Variants in FAM135B observed in about 807,000 individuals in gnomAD.
FAM135B encodes protein FAM135B.
Under a neutral mutation model 127.7 loss-of-function variants are expected in FAM135B, and 43 were observed. That is an observed-to-expected ratio of 0.34 (90% CI 0.26 to 0.43). The LOEUF (loss-of-function observed/expected upper bound fraction) is 0.43, where lower values mean the gene tolerates loss of function less well. Ranked by LOEUF, FAM135B falls within the 20% of genes least tolerant of loss-of-function variation. The pLI is 1.00. For synonymous variants in FAM135B, 670 were observed against 665.1 expected, an observed-to-expected ratio of 1.01 and a Z score of -0.11; for missense variants, 1,558 against 1,725.6, an observed-to-expected ratio of 0.90 and a Z score of 1.72.
At chr8:138,314,456 A>G (rs1826920875) in intron 2 of FAM135B, among the ~76,000 whole-genome samples, 1 of 152,104 alleles carries the variant, frequency 6.6e-6, no homozygotes, top group South Asian at 2.1e-4. Context: ...ACACCAATTA[A>G]AAAGTGGGCA....
chr8:138,389,839 A>C (rs1260955613), intron 1 of FAM135B, among the ~76,000 whole-genome samples: 4 of 152,202 alleles, frequency 2.6e-5, no homozygotes, highest in Middle Eastern at 3.2e-3. Flanking sequence ...CCACCACAAA[A>C]GGGGACGAAA....
Position 138,233,148 on chromosome 8 carries a change from G to T in FAM135B, c.669+9794C>A, listed in dbSNP as rs530388921. 2.4e-4 allele frequency among the ~76,000 whole-genome samples: 37 copies of T among 152,238 alleles called. 1 individual carries two copies. The highest frequency in any genetic ancestry group is 7.9e-4 in the African/African-American group (33 of 41,552). ...AAACTTGAGAAAGAAGTACAAAGCT[G>T]CAGGCATCACACTTCCTGATTTCAA... On this transcript the variant is annotated intron_variant, in intron 7 of 19. Coordinates refer to ENST00000395297, the MANE Select transcript of FAM135B (RefSeq NM_015912.4).
intron 1 of FAM135B, among the ~76,000 whole-genome samples, chr8:138,372,025 G>A (rs987837597): frequency 1.4e-4 from 21 of 152,228 alleles, no homozygotes; most frequent in African/African-American, 4.6e-4. Flanking sequence ...CAGTGATGAC[G>A]GCTCAGGAAG....
chr8:138,344,573 C>CTTTTTTTTTTTTT (rs869311243), intron 2 of FAM135B, among the ~76,000 whole-genome samples: 1 of 113,614 alleles, frequency 8.8e-6, no homozygotes, highest in Non-Finnish European at 1.8e-5. Flanking sequence ...CACTTTCTTT[C>CTTTTTTTTTTTTT]TTTCTTTTTT....
chr8:138,477,285 T>C (rs1205992659), intron 1 of FAM135B: 1 of 152,224 alleles, frequency 6.6e-6, no homozygotes, highest in Non-Finnish European at 1.5e-5. Flanking sequence ...TCATGTAATC[T>C]CTTTTCCCTG....
intron 1 of FAM135B, among the ~76,000 whole-genome samples, chr8:138,465,216 C>T (rs958663446): frequency 3.3e-5 from 5 of 152,102 alleles, no homozygotes; most frequent in African/African-American, 4.8e-5. Context: ...TGAAGTTGCA[C>T]GTATCAGGTG....
At chr8:138,328,862 A>G (rs1827982468) in intron 2 of FAM135B, among the ~76,000 whole-genome samples, 1 of 152,220 alleles carries the variant, frequency 6.6e-6, no homozygotes, top group Admixed American at 6.5e-5. Context: ...GCCACAGCCC[A>G]GAGAAAGTCT....
At chr8:138,486,594 G>C (rs1354162723) in intron 1 of FAM135B, among the ~76,000 whole-genome samples, 2 of 152,174 alleles carry the variant, frequency 1.3e-5, no homozygotes, top group Non-Finnish European at 2.9e-5. Flanking sequence ...TGAGTCTACA[G>C]TGACAACAGC....
chr8:138,210,701 C>G (rs1416479547), intron 7 of FAM135B, among the ~76,000 whole-genome samples: 1 of 152,076 alleles, frequency 6.6e-6, no homozygotes, highest in African/African-American at 2.4e-5. Context: ...GGTCCCTCCC[C>G]CTAACATTGG....
intron 7 of FAM135B, among the ~76,000 whole-genome samples, chr8:138,219,583 G>C (rs1818863630): frequency 1.3e-5 from 2 of 152,192 alleles, no homozygotes; most frequent in South Asian, 4.1e-4. Context: ...CATGGTCTAA[G>C]ATACCAAATG....
chr8:138,300,840 TC>T (rs1825834040), intron 3 of FAM135B, among the ~76,000 whole-genome samples: 1 of 139,358 alleles, frequency 7.2e-6, no homozygotes, highest in Non-Finnish European at 1.5e-5. Flanking sequence ...AACCTCCACC[TC>T]CCAGGTTCAA....
intron 12 of FAM135B, among the ~76,000 whole-genome samples, chr8:138,158,899 C>T (rs1160557191): frequency 1.3e-5 from 2 of 152,160 alleles, no homozygotes; most frequent in African/African-American, 4.8e-5. Context: ...CCTCAAGGAT[C>T]TAGAACTAGA....
chr8:138,393,455 GAA>G (rs201526750), intron 1 of FAM135B, among the ~76,000 whole-genome samples: 71 of 134,660 alleles, frequency 5.3e-4, no homozygotes, highest in Admixed American at 2.2e-3. Flanking sequence ...CTGTTTTAGT[GAA>G]AAAAAAAAAA....
chr8:138,343,312 C>A (rs1829181821), intron 2 of FAM135B, among the ~76,000 whole-genome samples: 1 of 152,206 alleles, frequency 6.6e-6, no homozygotes, highest in South Asian at 2.1e-4. Flanking sequence ...CACATGCAGA[C>A]ACTGCTATAC....
intron 2 of FAM135B, among the ~76,000 whole-genome samples, chr8:138,344,280 A>G (rs1434623369): frequency 2.0e-5 from 3 of 152,214 alleles, no homozygotes; most frequent in Non-Finnish European, 4.4e-5. Flanking sequence ...TGTAATTCTC[A>G]ATGGCAAGGT....
At chr8:138,208,405 A>C (rs1173987068) in intron 7 of FAM135B, among the ~76,000 whole-genome samples, 1 of 152,200 alleles carries the variant, frequency 6.6e-6, no homozygotes, top group Non-Finnish European at 1.5e-5. Context: ...GACCTCAGCA[A>C]TCTTTTTGCT....
chr8:138,197,710 C>A lies in FAM135B; in HGVS notation c.670-41G>T, dbSNP rs1192740431. 4 of 1,603,042 alleles carry A rather than the reference C, an allele frequency of 2.5e-6. No homozygotes were observed. In the South Asian group the frequency reaches 3.3e-5, roughly 13 times the overall value. ...GAAACAGAGGCTGAGGAATATTGCA[C>A]CTGGCCCAGGCAGCACAGGGCTGTG... On this transcript the variant is annotated intron_variant, in intron 7 of 19. Transcript: ENST00000395297.
chr8:138,353,889 T>C (rs925500), intron 2 of FAM135B, among the ~76,000 whole-genome samples: 151,375 of 152,180 alleles, frequency 0.99, 75,293 homozygotes, highest in East Asian at 1. Flanking sequence ...CACTCAGATA[T>C]CCCATTGCCT....
chr8:138,261,804 A>C (rs1305260279), intron 4 of FAM135B, among the ~76,000 whole-genome samples: 2 of 152,182 alleles, frequency 1.3e-5, no homozygotes, highest in Non-Finnish European at 2.9e-5. Flanking sequence ...ACATGGAATC[A>C]TGTGTTTGAT....
Sources: gnomAD v4.1 joint callset for allele counts (sites outside exome capture counted in the v4.1 genomes callset) on GRCh38, gnomAD v4.1.1 for gene constraint, MANE v1.5 for transcripts, NCBI Gene and HGNC (gene_info 2026-07-23, HGNC 2026-07-21) for gene names.